CEP85: variants seen among roughly 807,000 people sequenced by gnomAD.
The protein encoded by CEP85 is centrosomal protein 85.
Under a neutral mutation model 93.7 loss-of-function variants are expected in CEP85, and 58 were observed. The observed-to-expected ratio is 0.62, with a 90% confidence interval of 0.50 to 0.77. The LOEUF (loss-of-function observed/expected upper bound fraction) is 0.77, where lower values mean the gene tolerates loss of function less well. CEP85 is among the 30% of genes least tolerant of loss of function. The pLI, the probability that CEP85 is intolerant of heterozygous loss-of-function variation, is 0.00. For synonymous variants in CEP85, 314 were observed against 338.6 expected (o/e 0.93, Z 0.80); for missense variants, 868 against 922.0 (o/e 0.94, Z 0.76).
At chr1:26,261,198 C>T (rs972416029) in intron 7 of CEP85, among the ~76,000 whole-genome samples, 9 of 151,796 alleles carry the variant, frequency 5.9e-5, no homozygotes, top group East Asian at 5.8e-4. Context: ...TTAGGCTGGG[C>T]GCCGTGGCTC....
At position 26,274,975 on chromosome 1, in the gene CEP85, G is replaced by T. The variant is rs2090031996; in HGVS notation, c.1806G>T (p.Gln602His). The part of the protein sequence containing the change: ...QLRSQVQSLE[Q>H]EVAQEEGTSQ... ...GCTGTGTGATTCAGAGCCTAGAGCAGGAAGTGGCTCAAGAAGAAGGAACAA... is the reference window on the plus strand; with the variant it reads ...GCTGTGTGATTCAGAGCCTAGAGCATGAAGTGGCTCAAGAAGAAGGAACAA... The change falls in exon 12 of 14, where the codon CAG becomes CAT. Residue 602 changes from glutamine (Q) to histidine (H), a missense_variant. Physicochemically the swap from Gln to His is conservative, Grantham distance 24 (BLOSUM62 0). Transcript: ENST00000451429. 6.4e-7 allele frequency: 1 copy of T among 1,572,358 alleles called. No homozygotes were observed. The highest frequency in any genetic ancestry group is 2.4e-5 in the East Asian group (1 of 42,448).
chr1:26,261,781 A>G (rs1387093187), intron 7 of CEP85, among the ~76,000 whole-genome samples: 1 of 152,158 alleles, frequency 6.6e-6, no homozygotes, highest in Non-Finnish European at 1.5e-5. Flanking sequence ...ACTCAGAGCA[A>G]AAGTTGCCCA....
chr1:26,257,873 A>G (rs1284486496), intron 5 of CEP85, 143 bp downstream of exon 5: 10 of 921,852 alleles, frequency 1.1e-5, no homozygotes, highest in East Asian at 2.5e-5. Flanking sequence ...TTTGATAAGC[A>G]GCCTAGTCGT....
chr1:26,270,797 G>T (rs1287847453), intron 9 of CEP85, among the ~76,000 whole-genome samples: 2 of 152,218 alleles, frequency 1.3e-5, no homozygotes, highest in African/African-American at 4.8e-5. Context: ...GAGAATTGGT[G>T]TCACATTGTA....
chr1:26,251,252 T>G (rs2089608992), intron 3 of CEP85, among the ~76,000 whole-genome samples: 1 of 22,248 alleles, frequency 4.5e-5, no homozygotes, highest in Non-Finnish European at 1.5e-4. Flanking sequence ...CCAAGCTTGG[T>G]TTTTTTTTTT....
chr1:26,269,640 G>C, intron 9 of CEP85, 26 bp downstream of exon 9: 3 of 1,594,138 alleles, frequency 1.9e-6, no homozygotes, highest in Non-Finnish European at 2.6e-6. Context: ...GGACTGAGAG[G>C]AGTGGAGAGT....
In CEP85 at chr1:26,240,635, C is replaced by T. The variant is rs534615061; in HGVS notation, c.55+797C>T. Reference sequence around the variant, plus strand: ...TATGGCCAGGCGCTGTGGCTCATGCCTGTAATCCCAGCACTTTGGGAGCCC... The same window carrying T: ...TATGGCCAGGCGCTGTGGCTCATGCTTGTAATCCCAGCACTTTGGGAGCCC... On this transcript the variant is annotated intron_variant, in intron 2 of 13. Coordinates refer to ENST00000451429, the MANE Select transcript of CEP85 (RefSeq NM_001319944.2). Among the ~76,000 whole-genome samples, 3 of 152,300 alleles carry T rather than the reference C, an allele frequency of 2.0e-5. No homozygotes were observed. In the East Asian group the frequency reaches 5.8e-4, roughly 29 times the overall value.
At chr1:26,268,022 C>A (rs565411519) in intron 7 of CEP85, among the ~76,000 whole-genome samples, 2 of 152,306 alleles carry the variant, frequency 1.3e-5, no homozygotes, top group African/African-American at 4.8e-5. Context: ...TTAAAAACTG[C>A]CCTAGAAGAC....
chr1:26,268,487 A>G lies in CEP85; in HGVS notation c.1346A>G (p.Lys449Arg), dbSNP rs369268663. The G allele has an allele frequency of 5.9e-5, 96 of 1,614,108 alleles. No homozygotes were observed. The highest frequency in any genetic ancestry group is 2.3e-4 in the African/African-American group (17 of 75,032). Residue 449 changes from lysine to arginine, a missense_variant, in exon 8 of 14, where the codon AAA becomes AGA. Physicochemically the swap from Lys to Arg is conservative, Grantham distance 26. Coordinates refer to ENST00000451429, the MANE Select transcript of CEP85 (RefSeq NM_001319944.2). ...EEVKKQEERV[K>R]GRDKHINNLK... ...ACTTGACATTTATTTTCCTAGGTCA[A>G]AGGTCGTGATAAACATATCAATAAT... is the stretch of plus-strand genomic sequence containing the variant.
intron 7 of CEP85, among the ~76,000 whole-genome samples, chr1:26,260,117 G>C (rs2089783032): frequency 6.6e-6 from 1 of 152,156 alleles, no homozygotes; most frequent in Non-Finnish European, 1.5e-5. Context: ...ACTCATACCA[G>C]GTGGCACTGT....
intron 4 of CEP85, among the ~76,000 whole-genome samples, chr1:26,256,926 T>A (rs182522143): frequency 7.8e-6 from 1 of 128,404 alleles, no homozygotes; most frequent in Non-Finnish European, 1.6e-5. Context: ...TTGTTTTGTT[T>A]TGGTGTGTGT....
intron 3 of CEP85, among the ~76,000 whole-genome samples, chr1:26,254,174 A>T (rs2089660655): frequency 6.6e-6 from 1 of 152,116 alleles, no homozygotes; most frequent in Non-Finnish European, 1.5e-5. Context: ...GGGAACGAGT[A>T]CTGAATATAG....
chr1:26,234,876 T>G (rs750893394), intron 1 of CEP85, among the ~76,000 whole-genome samples: 1 of 152,142 alleles, frequency 6.6e-6, no homozygotes, highest in African/African-American at 2.4e-5. Context: ...CTGGGGACAT[T>G]GGTCGATGTC....
chr1:26,265,584 G>C (rs1023718292), intron 7 of CEP85, among the ~76,000 whole-genome samples: 2 of 152,184 alleles, frequency 1.3e-5, no homozygotes, highest in African/African-American at 4.8e-5. Context: ...TTTGTATATA[G>C]ATTTCTAGGG....
intron 3 of CEP85, among the ~76,000 whole-genome samples, chr1:26,250,212 T>C (rs867759082): frequency 4.6e-5 from 7 of 152,204 alleles, no homozygotes; most frequent in African/African-American, 7.2e-5. Flanking sequence ...GTCCATGGCA[T>C]ATTAGGAACC....
At chr1:26,257,548 GGC>G (rs2089726293) in intron 4 of CEP85, 47 bp from the exon 5 acceptor site, 1 of 1,607,350 alleles carries the variant, frequency 6.2e-7, no homozygotes, top group African/African-American at 1.3e-5. Flanking sequence ...GGTGTTTTCA[GGC>G]GTGTATGGGT....
At chr1:26,270,162 C>T (rs2089953769) in intron 9 of CEP85, among the ~76,000 whole-genome samples, 1 of 152,128 alleles carries the variant, frequency 6.6e-6, no homozygotes, top group Non-Finnish European at 1.5e-5. Flanking sequence ...AACCCAGTGC[C>T]TGGCACATAA....
At chr1:26,247,863 T>C (rs927785456) in intron 3 of CEP85, among the ~76,000 whole-genome samples, 1 of 152,166 alleles carries the variant, frequency 6.6e-6, no homozygotes, top group African/African-American at 2.4e-5. Flanking sequence ...TCTCACCATC[T>C]TGCCCAGGAT....
At chr1:26,265,545 AG>A (rs1388788111) in intron 7 of CEP85, among the ~76,000 whole-genome samples, 8 of 152,336 alleles carry the variant, frequency 5.3e-5, no homozygotes, top group African/African-American at 1.9e-4. Context: ...CTGATGGGGA[AG>A]CCCAGGGTGA....
Sources: gnomAD v4.1 joint callset for allele counts (sites outside exome capture counted in the v4.1 genomes callset) on GRCh38, gnomAD v4.1.1 for gene constraint, MANE v1.5 for transcripts, NCBI Gene and HGNC (gene_info 2026-07-23, HGNC 2026-07-21) for gene names.